CPNE3: variants seen among roughly 807,000 people sequenced by gnomAD.
CPNE3 encodes the protein copine-3.
A neutral mutation model predicts 63.9 loss-of-function variants in CPNE3; 68 were observed. That is an observed-to-expected ratio of 1.06 (90% CI 0.87 to 1.30). CPNE3 has a LOEUF of 1.30. CPNE3 is among the 50% of genes most tolerant of loss of function. The pLI is 0.00. For missense variants in CPNE3, 665 were observed against 578.1 expected, an observed-to-expected ratio of 1.15 and a Z score of -1.54; for synonymous variants, 219 against 197.5, an observed-to-expected ratio of 1.11 and a Z score of -0.91.
intron 2 of CPNE3, among the ~76,000 whole-genome samples, chr8:86,528,154 T>C (rs571295892): frequency 6.6e-6 from 1 of 151,992 alleles, no homozygotes; most frequent in Admixed American, 6.6e-5. Flanking sequence ...CTTGCTGTCT[T>C]GCCCATGATG....
Position 86,555,150 on chromosome 8 carries a change from G to A in CPNE3, c.1254+166G>A, listed in dbSNP as rs531516077. ...TTTTGTTGTTGTTATACTAGTGATC[G>A]TTAAAAATAAGACAACAGCAAAACA... On this transcript the variant is annotated intron_variant, in intron 15 of 16. Coordinates refer to ENST00000517490, the MANE Select transcript of CPNE3 (RefSeq NM_003909.5). Among the ~76,000 whole-genome samples the A allele has an allele frequency of 1.1e-4, 16 of 151,632 alleles. No homozygotes were observed. In the East Asian group the frequency reaches 2.7e-3, roughly 26 times the overall value.
At chr8:86,528,414 A>G (rs1307043366) in intron 2 of CPNE3, 122 bp from the exon 3 acceptor site, 4 of 1,017,966 alleles carry the variant, frequency 3.9e-6, no homozygotes, top group Non-Finnish European at 5.8e-6. Context: ...TGATTCTGGC[A>G]AGTTCACTCT....
intron 14 of CPNE3, among the ~76,000 whole-genome samples, chr8:86,553,024 C>T (rs375642042): frequency 3.1e-4 from 43 of 138,554 alleles, no homozygotes; most frequent in Middle Eastern, 7.4e-3. Flanking sequence ...CCACCACGCT[C>T]GGCTAATTTT....
Position 86,528,983 on chromosome 8 carries a change from C to T in CPNE3, c.171C>T (p.Pro57=). 1 of 1,613,552 alleles carries T rather than the reference C, an allele frequency of 6.2e-7. No homozygotes were observed. Among genetic ancestry groups the T allele is most frequent in the Non-Finnish European group, 8.5e-7 (1 of 1,179,892 alleles). Residue 57 remains proline (P), a synonymous_variant, in exon 4 of 17, where the codon CCC becomes CCT. Transcript: ENST00000517490. ...AAAGGATTAAGAATTGCTTGAATCC[C>T]CAATTTTCCAAGACATTTATTATTG... ...RTERIKNCLN[P]QFSKTFIIDY...
intron 2 of CPNE3, among the ~76,000 whole-genome samples, chr8:86,526,544 A>C (rs1820545645): frequency 6.6e-6 from 1 of 151,434 alleles, no homozygotes; most frequent in Non-Finnish European, 1.5e-5. Context: ...ATGGGGTCTC[A>C]CTCTGTCACC....
At chr8:86,552,388 A>T (rs1472305960) in intron 14 of CPNE3, among the ~76,000 whole-genome samples, 2 of 152,154 alleles carry the variant, frequency 1.3e-5, no homozygotes, top group African/African-American at 4.8e-5. Context: ...AGCCATTTGA[A>T]ACTGGGAATG....
At chr8:86,532,739 G>A (rs1396288038) in intron 6 of CPNE3, among the ~76,000 whole-genome samples, 159 bp downstream of exon 6, 1 of 152,112 alleles carries the variant, frequency 6.6e-6, no homozygotes, top group African/African-American at 2.4e-5. Flanking sequence ...GTATGTTTAA[G>A]CAGAACCCAT....
intron 3 of CPNE3, 49 bp downstream of exon 3, chr8:86,528,726 C>T (rs755540415): frequency 1.9e-6 from 3 of 1,551,474 alleles, no homozygotes; most frequent in African/African-American, 1.4e-5. Flanking sequence ...ACCCTTTTAA[C>T]AATGTGAAGA....
chr8:86,550,950 T>G, intron 12 of CPNE3, 96 bp from the exon 13 acceptor site: 2 of 1,230,172 alleles, frequency 1.6e-6, no homozygotes, highest in Non-Finnish European at 2.2e-6. Context: ...TCTTCATACT[T>G]TTTGAAATGA....
intron 14 of CPNE3, among the ~76,000 whole-genome samples, chr8:86,551,945 C>G (rs571579480): frequency 1.3e-5 from 2 of 152,234 alleles, no homozygotes; most frequent in Non-Finnish European, 2.9e-5. Context: ...GGATTAGAGG[C>G]GTGAGCCACC....
Position 86,549,751 on chromosome 8 carries a change from G to T in CPNE3, c.1014-1295G>T, listed in dbSNP as rs528989217. Among the ~76,000 whole-genome samples, 12 of 152,286 alleles carry T rather than the reference G, an allele frequency of 7.9e-5. No homozygotes were observed. In the South Asian group the frequency reaches 2.5e-3, roughly 32 times the overall value. On this transcript the variant is annotated intron_variant, in intron 12 of 16. Coordinates refer to ENST00000517490, the MANE Select transcript of CPNE3 (RefSeq NM_003909.5). Reference sequence around the variant, plus strand: ...GTTCTCAATTCACAGCTTCCCTCCGGGGTTCCATAGCTCTGGTTCTCATCT... The same window carrying T: ...GTTCTCAATTCACAGCTTCCCTCCGTGGTTCCATAGCTCTGGTTCTCATCT...
intron 7 of CPNE3, among the ~76,000 whole-genome samples, chr8:86,538,929 A>C (rs1415787018): frequency 1.3e-5 from 2 of 152,166 alleles, no homozygotes; most frequent in East Asian, 3.9e-4. Context: ...AGACTGCATG[A>C]ATTACATGTT....
chr8:86,523,190 T>C (rs1264573844), intron 2 of CPNE3, among the ~76,000 whole-genome samples: 1 of 152,228 alleles, frequency 6.6e-6, no homozygotes, highest in Non-Finnish European at 1.5e-5. Flanking sequence ...TTATTAAGTT[T>C]ATTTTTCTCT....
intron 8 of CPNE3, among the ~76,000 whole-genome samples, chr8:86,543,512 G>T (rs375724859): frequency 1.3e-5 from 2 of 152,148 alleles, no homozygotes; most frequent in African/African-American, 4.8e-5. Context: ...ATATTAGCAA[G>T]ATAAAGCTCT....
At chr8:86,540,156 G>GAGTA (rs1820901304) in intron 7 of CPNE3, 89 bp from the exon 8 acceptor site, 2 of 777,200 alleles carry the variant, frequency 2.6e-6, no homozygotes, top group Admixed American at 3.6e-5. Flanking sequence ...CGAATGGTGA[G>GAGTA]AGTATAGCAA....
chr8:86,541,637 G>A (rs1216066015), intron 8 of CPNE3, among the ~76,000 whole-genome samples: 1 of 150,826 alleles, frequency 6.6e-6, no homozygotes, highest in African/African-American at 2.4e-5. Context: ...CTGGGAGGAG[G>A]AGGTCTCAGT....
chr8:86,533,435 G>A (rs747913893), intron 6 of CPNE3, among the ~76,000 whole-genome samples: 9 of 152,052 alleles, frequency 5.9e-5, no homozygotes, highest in Non-Finnish European at 1.3e-4. Context: ...CCCATGTGAG[G>A]TGGGAGGATT....
chr8:86,540,463 G>A (rs1010862869), intron 8 of CPNE3, 129 bp downstream of exon 8: 104 of 404,386 alleles, frequency 2.6e-4, no homozygotes, highest in Non-Finnish European at 2.9e-4. Flanking sequence ...TAAATTTTAT[G>A]TGTGTAGAAT....
intron 4 of CPNE3, among the ~76,000 whole-genome samples, chr8:86,530,891 C>G (rs1820665800): frequency 1.3e-5 from 2 of 151,864 alleles, no homozygotes; most frequent in South Asian, 4.2e-4. Context: ...GGGGTTTCAC[C>G]ATGTTGGCCA....
Sources: gnomAD v4.1 joint callset for allele counts (sites outside exome capture counted in the v4.1 genomes callset) on GRCh38, gnomAD v4.1.1 for gene constraint, MANE v1.5 for transcripts, NCBI Gene and HGNC (gene_info 2026-07-23, HGNC 2026-07-21) for gene names.